The following KIAA1328 variants were observed in gnomAD, a reference collection of about 807,000 sequenced individuals.
KIAA1328 encodes the protein KIAA1328, also known as protein hinderin.
A neutral mutation model predicts 68.1 loss-of-function variants in KIAA1328; 52 were observed. The observed-to-expected ratio is 0.76, with a 90% CI of 0.61 to 0.96. KIAA1328 has a LOEUF of 0.96. Ranked by LOEUF, KIAA1328 falls within the 40% of genes least tolerant of loss-of-function variation. KIAA1328 has a pLI of 0.00. For synonymous variants in KIAA1328, 232 were observed against 239.4 expected (o/e 0.97, Z 0.28); for missense variants, 641 against 677.6 (o/e 0.95, Z 0.60).
chr18:37,117,193 C>T (rs1245583376), intron 7 of KIAA1328, among the ~76,000 whole-genome samples: 1 of 152,148 alleles, frequency 6.6e-6, no homozygotes, highest in Non-Finnish European at 1.5e-5. Flanking sequence ...CACATGCACA[C>T]GTATGTTTAC....
chr18:36,988,010 A>G (rs116636324), intron 6 of KIAA1328, among the ~76,000 whole-genome samples: 1,639 of 152,288 alleles, frequency 0.011, 37 homozygotes, highest in African/African-American at 0.037. Context: ...GTAAGCAGTT[A>G]GTATAGCCGT....
intron 6 of KIAA1328, among the ~76,000 whole-genome samples, chr18:36,995,173 G>A (rs1336300650): frequency 6.6e-6 from 1 of 152,040 alleles, no homozygotes; most frequent in East Asian, 1.9e-4. Flanking sequence ...TGTTCACATT[G>A]TTCAATTCCC....
At chr18:36,829,761 A>C (rs1402895290) in intron 1 of KIAA1328, among the ~76,000 whole-genome samples, 10 of 152,194 alleles carry the variant, frequency 6.6e-5, no homozygotes. Flanking sequence ...GGTGCTGGTT[A>C]CTGCGTAAGA....
chr18:37,230,122 G>A (rs2060658277), downstream of KIAA1328: 1 of 152,248 alleles, frequency 6.6e-6, no homozygotes, highest in Admixed American at 6.5e-5. Context: ...AACACAGGTA[G>A]AGTGTTCAGC....
At chr18:37,139,777 A>G (rs2058728460) in intron 7 of KIAA1328, among the ~76,000 whole-genome samples, 1 of 152,176 alleles carries the variant, frequency 6.6e-6, no homozygotes, top group South Asian at 2.1e-4. Context: ...ATGTATCTAT[A>G]TGGTGTTCTA....
intron 5 of KIAA1328, among the ~76,000 whole-genome samples, chr18:36,890,397 G>A (rs1007039046): frequency 2.0e-5 from 3 of 151,976 alleles, no homozygotes; most frequent in African/African-American, 7.2e-5. Flanking sequence ...ATGTCTGCGC[G>A]TCATGGCTCA....
chr18:37,178,989 G>A (rs1000167504), intron 9 of KIAA1328, among the ~76,000 whole-genome samples: 2 of 152,086 alleles, frequency 1.3e-5, no homozygotes, highest in Admixed American at 6.6e-5. Flanking sequence ...CTTATCAGAT[G>A]GATAGTTTGC....
intron 6 of KIAA1328, among the ~76,000 whole-genome samples, chr18:37,029,237 C>A (rs2054721999): frequency 6.6e-6 from 1 of 151,490 alleles, no homozygotes; most frequent in African/African-American, 2.4e-5. Flanking sequence ...CTTCCTGGTT[C>A]AATCTTAGGA....
intron 6 of KIAA1328, among the ~76,000 whole-genome samples, chr18:37,003,499 T>C (rs2053665708): frequency 6.6e-6 from 1 of 152,040 alleles, no homozygotes; most frequent in Non-Finnish European, 1.5e-5. Flanking sequence ...GGAAAAAAAC[T>C]TGTATTAGAA....
At chr18:37,068,709 T>C (rs532833807) in intron 7 of KIAA1328, among the ~76,000 whole-genome samples, 11 of 152,336 alleles carry the variant, frequency 7.2e-5, no homozygotes, top group Non-Finnish European at 1.3e-4. Flanking sequence ...TCATATCTTC[T>C]AGATATATGT....
intron 5 of KIAA1328, chr18:36,923,971 G>A (rs2050022393): frequency 6.6e-6 from 1 of 152,146 alleles, no homozygotes; most frequent in Admixed American, 6.5e-5. Context: ...AGTTGGAAGG[G>A]AATTATGCTG....
At chr18:37,174,499 C>T (rs1260671924) in intron 9 of KIAA1328, among the ~76,000 whole-genome samples, 4 of 151,014 alleles carry the variant, frequency 2.6e-5, no homozygotes, top group African/African-American at 9.7e-5. Context: ...TCTTCTGCCT[C>T]AGCCTCCCAA....
intron 9 of KIAA1328, among the ~76,000 whole-genome samples, chr18:37,215,941 T>C (rs187831380): frequency 2.4e-4 from 37 of 152,328 alleles, no homozygotes; most frequent in Admixed American, 8.5e-4. Context: ...TGCTTAGAAG[T>C]GTTTATAGTA....
intron 7 of KIAA1328, among the ~76,000 whole-genome samples, chr18:37,117,477 A>G (rs572722799): frequency 6.6e-6 from 1 of 152,258 alleles, no homozygotes; most frequent in East Asian, 1.9e-4. Flanking sequence ...CGAACATCCC[A>G]CACTGGGGCC....
chr18:37,190,806 C>T (rs1691952492), intron 9 of KIAA1328, among the ~76,000 whole-genome samples: 1 of 152,134 alleles, frequency 6.6e-6, no homozygotes, highest in African/African-American at 2.4e-5. Flanking sequence ...TATAATGAAC[C>T]AGGAGACCCT....
At chr18:37,004,524 G>A (rs2053705756) in intron 6 of KIAA1328, among the ~76,000 whole-genome samples, 1 of 151,940 alleles carries the variant, frequency 6.6e-6, no homozygotes, top group South Asian at 2.1e-4. Flanking sequence ...CATCACTAAT[G>A]ATCAGGGGAA....
chr18:37,037,776 T>C (rs2055084346), intron 6 of KIAA1328, among the ~76,000 whole-genome samples: 1 of 151,138 alleles, frequency 6.6e-6, no homozygotes, highest in South Asian at 2.1e-4. Flanking sequence ...CCAGACCATG[T>C]TGTCTGCTCC....
At chr18:37,093,884 C>G (rs574178264) in intron 7 of KIAA1328, among the ~76,000 whole-genome samples, 2 of 152,272 alleles carry the variant, frequency 1.3e-5, no homozygotes, top group South Asian at 4.1e-4. Context: ...ATTAAAAATC[C>G]AGCAAGGAAA....
At chr18:37,111,418 TA>T (rs1183838985) in intron 7 of KIAA1328, among the ~76,000 whole-genome samples, 1 of 152,192 alleles carries the variant, frequency 6.6e-6, no homozygotes, top group Non-Finnish European at 1.5e-5. Flanking sequence ...TTTGATTGGG[TA>T]ACTGGGAACT....
Sources: gnomAD v4.1 joint callset for allele counts (sites outside exome capture counted in the v4.1 genomes callset) on GRCh38, gnomAD v4.1.1 for gene constraint, MANE v1.5 for transcripts, NCBI Gene and HGNC (gene_info 2026-07-23, HGNC 2026-07-21) for gene names.